The following ITGA8 variants were observed in gnomAD, a reference collection of about 807,000 sequenced individuals.
ITGA8 encodes the protein integrin alpha-8.
Under a neutral mutation model 142.3 loss-of-function variants are expected in ITGA8, and 91 were observed. The observed-to-expected ratio is 0.64, with a 90% CI of 0.54 to 0.76. ITGA8 has a LOEUF of 0.76. Ranked by LOEUF, ITGA8 falls within the 30% of genes least tolerant of loss-of-function variation. ITGA8 has a pLI of 0.00. For missense variants in ITGA8, 1,406 were observed against 1,327.7 expected, an observed-to-expected ratio of 1.06 and a Z score of -0.92; for synonymous variants, 505 against 485.2, an observed-to-expected ratio of 1.04 and a Z score of -0.54.
chr10:15,577,406 C>T (rs1834319338), intron 23 of ITGA8, among the ~76,000 whole-genome samples: 1 of 151,976 alleles, frequency 6.6e-6, no homozygotes. Flanking sequence ...GAGCTCAGAT[C>T]CTAAGTACCA....
In ITGA8 at chr10:15,592,319, A is replaced by C; in HGVS notation, c.2212-15T>G. On this transcript the variant is annotated splice_polypyrimidine_tract_variant and intron_variant, in intron 21 of 29. Coordinates refer to ENST00000378076, the MANE Select transcript of ITGA8 (RefSeq NM_003638.3). ...CCCAGGGAATACTAAAAAATAAAAT[A>C]AAATCACACAAGAGTAGCTTGTACA... 1 of 1,584,994 alleles carries C rather than the reference A, an allele frequency of 6.3e-7. No homozygotes were observed. Among genetic ancestry groups the C allele is most frequent in the Non-Finnish European group, 8.7e-7 (1 of 1,154,724 alleles).
At chr10:15,674,080 T>C (rs1834580980) in intron 6 of ITGA8, among the ~76,000 whole-genome samples, 1 of 152,206 alleles carries the variant, frequency 6.6e-6, no homozygotes, top group Non-Finnish European at 1.5e-5. Context: ...GTCTTTCTGT[T>C]GGAAGTCCAC....
intron 27 of ITGA8, among the ~76,000 whole-genome samples, chr10:15,535,778 G>A (rs959720358): frequency 1.5e-4 from 23 of 152,114 alleles, no homozygotes; most frequent in Non-Finnish European, 2.9e-4. Context: ...GACAGCAGTG[G>A]CAACCTGCTG....
chr10:15,617,749 A>G (rs1359846397), intron 13 of ITGA8, among the ~76,000 whole-genome samples: 1 of 151,938 alleles, frequency 6.6e-6, no homozygotes, highest in Non-Finnish European at 1.5e-5. Flanking sequence ...AAGCAATCAA[A>G]CACAAATAAA....
At chr10:15,719,527 G>GCC (rs770064858) in intron 1 of ITGA8, 36 bp downstream of exon 1, 1 of 1,501,726 alleles carries the variant, frequency 6.7e-7, no homozygotes, top group Non-Finnish European at 8.8e-7. Flanking sequence ...GAGCGCCTTC[G>GCC]TCCCCGCGCG....
chr10:15,699,999 T>C (rs913214530), intron 2 of ITGA8, among the ~76,000 whole-genome samples: 1 of 152,222 alleles, frequency 6.6e-6, no homozygotes, highest in Admixed American at 6.5e-5. Flanking sequence ...TTCTCTTGTT[T>C]AGTTATTAGT....
intron 23 of ITGA8, among the ~76,000 whole-genome samples, 177 bp from the exon 24 acceptor site, chr10:15,575,771 A>C (rs1438781534): frequency 6.6e-6 from 1 of 152,220 alleles, no homozygotes; most frequent in East Asian, 1.9e-4. Flanking sequence ...AGTGACAGTG[A>C]AGGATCTGAA....
At chr10:15,656,438 A>G (rs1291085021) in intron 10 of ITGA8, among the ~76,000 whole-genome samples, 1 of 151,740 alleles carries the variant, frequency 6.6e-6, no homozygotes, top group Non-Finnish European at 1.5e-5. Flanking sequence ...ATCTTGGCTC[A>G]CTGCAACCTC....
Position 15,516,549 on chromosome 10 carries a change from T to G in ITGA8, c.*609A>C, listed in dbSNP as rs1277491932. ...TTCTCTAGATGACAGATTCTCAACCTAGAGACATGGAAAATAAATAAATAA... is the reference window on the plus strand; with the variant it reads ...TTCTCTAGATGACAGATTCTCAACCGAGAGACATGGAAAATAAATAAATAA... On this transcript the variant is annotated 3_prime_UTR_variant, in exon 30 of 30. Transcript: ENST00000378076. 6.6e-6 allele frequency: 1 copy of G among 152,194 alleles called. No individual in the cohort carries two copies. Among genetic ancestry groups the G allele is most frequent in the Non-Finnish European group, 1.5e-5 (1 of 68,030 alleles). 9.4% of individuals were successfully genotyped at this position (152,194 alleles called of 1,614,324 possible).
At chr10:15,652,219 T>C (rs994512284) in intron 11 of ITGA8, among the ~76,000 whole-genome samples, 11 of 152,216 alleles carry the variant, frequency 7.2e-5, no homozygotes, top group African/African-American at 2.7e-4. Flanking sequence ...ATAAACATTC[T>C]CACAAAACTT....
rs1554772720 is a variant in ITGA8, at chr10:15,561,228, T to TAC, written c.2638-3027_2638-3026insGT. On this transcript the variant is annotated intron_variant, in intron 25 of 29. Coordinates refer to ENST00000378076, the MANE Select transcript of ITGA8 (RefSeq NM_003638.3). ...TGTTGGCTATATATATATATATATA[T>TAC]ATATATGTATATATATATATATATA... Among the ~76,000 whole-genome samples, 851 of 86,992 alleles carry TAC rather than the reference T, an allele frequency of 9.8e-3. 13 individuals are homozygous for TAC. The highest frequency in any genetic ancestry group is 0.033 in the African/African-American group (788 of 23,792). 57.1% of individuals were successfully genotyped at this position (86,992 alleles called of 152,430 possible). A position where few individuals can be genotyped will look rare whatever the true frequency, so the allele number is the denominator to read the frequency against.
chr10:15,561,209 C>CTATATATATATATATA (rs529527480), intron 25 of ITGA8, among the ~76,000 whole-genome samples: 4 of 116,940 alleles, frequency 3.4e-5, no homozygotes, highest in African/African-American at 1.5e-4. Flanking sequence ...TATCTGTTGG[C>CTATATATATATATATA]TATATATATA....
At position 15,530,273 on chromosome 10, in the gene ITGA8, C is replaced by T. The variant is rs547122772; in HGVS notation, c.2982+777G>A. On this transcript the variant is annotated intron_variant, in intron 28 of 29. Coordinates refer to ENST00000378076, the MANE Select transcript of ITGA8 (RefSeq NM_003638.3). ...TTTTAATAAAGACATTTCAGCTGGG[C>T]GCAGTGGCTTATGCCTGTAATCCCA... 1.4e-4 allele frequency among the ~76,000 whole-genome samples: 20 copies of T among 146,536 alleles called. No homozygotes were observed. In the East Asian group the frequency reaches 2.0e-3, roughly 15 times the overall value.
intron 2 of ITGA8, among the ~76,000 whole-genome samples, chr10:15,710,657 A>G (rs1835346508): frequency 6.6e-6 from 1 of 152,174 alleles, no homozygotes; most frequent in Admixed American, 6.6e-5. Context: ...GCTGTGTGGC[A>G]CTGTGACAAA....
At chr10:15,520,196 G>A (rs894062422) in intron 28 of ITGA8, among the ~76,000 whole-genome samples, 1 of 152,140 alleles carries the variant, frequency 6.6e-6, no homozygotes, top group Non-Finnish European at 1.5e-5. Flanking sequence ...TGGATTGCCT[G>A]AGCTCAGGAG....
rs369463118 is a variant in ITGA8, at chr10:15,546,866, TGAAGG to T, written c.2880+1584_2880+1588del. On this transcript the variant is annotated intron_variant, in intron 27 of 29. Transcript: ENST00000378076. ...GGAAGGGAAATGAGGGGAAGGGAAA[TGAAGG>T]GAAGGGAAGGGAAAGGAAGAAAGGA... Among the ~76,000 whole-genome samples, 159 of 129,168 alleles carry T rather than the reference TGAAGG, an allele frequency of 1.2e-3. 3 individuals are homozygous for T. In the East Asian group the frequency reaches 0.031, roughly 25 times the overall value. 84.7% of individuals were successfully genotyped at this position (129,168 alleles called of 152,430 possible).
chr10:15,539,077 A>G (rs1313971331), intron 27 of ITGA8, among the ~76,000 whole-genome samples: 3 of 151,518 alleles, frequency 2.0e-5, no homozygotes, highest in African/African-American at 7.3e-5. Context: ...ATGCAAATAT[A>G]TAGGATATTT....
chr10:15,689,908 G>A (rs1207631943), intron 2 of ITGA8, among the ~76,000 whole-genome samples: 2 of 152,306 alleles, frequency 1.3e-5, no homozygotes, highest in East Asian at 3.9e-4. Flanking sequence ...CCACAGAGGA[G>A]CTGCACCCCT....
rs559288359 is a variant in ITGA8 at position 15,686,526 on chromosome 10, A to G, written c.444+1412T>C. Among the ~76,000 whole-genome samples the G allele has an allele frequency of 2.7e-4, 41 of 152,302 alleles. 1 individual carries two copies. In the South Asian group the frequency reaches 8.3e-3, roughly 31 times the overall value. On this transcript the variant is annotated intron_variant, in intron 3 of 29. Transcript: ENST00000378076. ...TTAGCTCTAAAAAGTTACTCTTTCA[A>G]TCTGCTCAGTTTCACATTGATGTGA...
Sources: gnomAD v4.1 joint callset for allele counts (sites outside exome capture counted in the v4.1 genomes callset) on GRCh38, gnomAD v4.1.1 for gene constraint, MANE v1.5 for transcripts, NCBI Gene and HGNC (gene_info 2026-07-23, HGNC 2026-07-21) for gene names.